Variants in POLG observed in about 807,000 individuals in gnomAD.
POLG encodes the protein DNA polymerase subunit gamma-1.
POLG carries 110 observed loss-of-function variants against 155.4 expected under a neutral mutation model. The ratio of observed to expected loss-of-function variants is 0.71; its 90% CI spans 0.61 to 0.83. The LOEUF (loss-of-function observed/expected upper bound fraction) is 0.83, where lower values mean the gene tolerates loss of function less well. POLG is among the 40% of genes least tolerant of loss of function. The pLI, the probability that POLG is intolerant of heterozygous loss-of-function variation, is 0.00. For missense variants in POLG, 1,685 were observed against 1,627.5 expected, an observed-to-expected ratio of 1.04 and a Z score of -0.61; for synonymous variants, 701 against 631.5, an observed-to-expected ratio of 1.11 and a Z score of -1.65.
At chr15:89,321,053 T>C (rs1231424001) in intron 17 of POLG, 41 bp from the exon 18 acceptor site, 3 of 1,612,866 alleles carry the variant, frequency 1.9e-6, no homozygotes, top group Non-Finnish European at 1.7e-6. Flanking sequence ...CTCAGGAACA[T>C]TCTGCCCAAT....
rs1406947880 is a variant in POLG, at chr15:89,316,753, A to G, written c.3718T>C (p.Ter1240GlnextTer35). 4 of 1,611,140 alleles carry G rather than the reference A, an allele frequency of 2.5e-6. No homozygotes were observed. Among genetic ancestry groups the G allele is most frequent in the East Asian group, 2.2e-5 (1 of 44,884 alleles). Residue 1240 changes from the stop codon to glutamine (Q), a stop_lost, in exon 23 of 23, where the codon TAG (stop) becomes CAG (glutamine). Coordinates refer to ENST00000268124, the MANE Select transcript of POLG (RefSeq NM_002693.3). ...AAATACAGAGCCTCCAGGCAGTGCT[A>G]TGGTCCAGGCTGGCTTCGTTTTTCC... ...SLEKRSQPGP[*>Q]
In POLG at chr15:89,317,550, A is replaced by C. The variant is rs587781119; in HGVS notation, c.3483-14T>G. ...GCAAACATGCACCTGAAAGAGACCC[A>C]ATCTACTCTCACAGTCATGCCCCTC... On this transcript the variant is annotated splice_polypyrimidine_tract_variant and intron_variant, in intron 21 of 22. Transcript: ENST00000268124. The C allele has an allele frequency of 2.5e-6, 4 of 1,613,402 alleles. No homozygotes were observed. Among genetic ancestry groups the C allele is most frequent in the African/African-American group, 2.7e-5 (2 of 74,884 alleles).
intron 16 of POLG, 81 bp from the exon 17 acceptor site, chr15:89,321,341 C>T: frequency 6.6e-7 from 1 of 1,520,946 alleles, no homozygotes; most frequent in South Asian, 1.2e-5. Context: ...AGAGCTAGAG[C>T]CTTTCCTGAG....
intron 21 of POLG, chr15:89,318,150 C>CACTT (rs752566644): frequency 6.5e-5 from 13 of 198,482 alleles, no homozygotes; most frequent in South Asian, 1.7e-4. Flanking sequence ...AAACTTTTGG[C>CACTT]ACTTACTTAA....
At chr15:89,318,805 C>T (rs1288250834) in intron 20 of POLG, 56 bp from the exon 21 acceptor site, 1 of 1,564,944 alleles carries the variant, frequency 6.4e-7, no homozygotes. Flanking sequence ...CCAATTAACT[C>T]CAGGGTAGAA....
chr15:89,333,989 G>A (rs758628725), intron 1 of POLG, 76 bp from the exon 2 acceptor site: 1 of 585,198 alleles, frequency 1.7e-6, no homozygotes, highest in Non-Finnish European at 3.0e-6. Context: ...CATTCCTTGA[G>A]CATTTACTGC....
Position 89,326,701 on chromosome 15 carries a change from T to G in POLG, c.1623A>C (p.Gln541His), listed in dbSNP as rs751396113. 1.2e-6 allele frequency: 2 copies of G among 1,614,116 alleles called. No individual in the cohort carries two copies. The highest frequency in any genetic ancestry group is 1.7e-6 in the Non-Finnish European group (2 of 1,180,010). ...GCAAGCAGGCGCGGGCCATGACATC[T>G]TGTTGAAACTCCTCCTCCTCACTGC... The part of the protein sequence containing the change: ...GPCSEEEEFQ[Q>H]DVMARACLQK... The change falls in exon 9 of 23, where the codon CAA (glutamine) becomes CAC (histidine). Residue 541 changes from glutamine (Q) to histidine (H), a missense_variant. By Grantham distance (24) the Gln-to-His change is conservative (BLOSUM62 0). Around this residue, in one of 3 missense-constraint regions of POLG, gnomAD observed 1,210 missense variants for 1,167.1 expected, o/e 1.04. Coordinates refer to ENST00000268124, the MANE Select transcript of POLG (RefSeq NM_002693.3).
At position 89,321,970 on chromosome 15, in the gene POLG, A is replaced by C; in HGVS notation, c.2472T>G (p.Ala824=). The change falls in exon 15 of 23, where the codon GCT becomes GCG. Residue 824 remains alanine, a synonymous_variant. Coordinates refer to ENST00000268124, the MANE Select transcript of POLG (RefSeq NM_002693.3). ...CACTCAGCAGACCATACCTGATCAC[A>C]GCACGGGGCAGAGCTGACCTGGGCA... ...VWLPRSALPR[A]VIRHPDYDEE... The C allele has an allele frequency of 6.2e-7, 1 of 1,614,176 alleles. No homozygotes were observed. Among genetic ancestry groups the C allele is most frequent in the Admixed American group, 1.7e-5 (1 of 60,028 alleles).
intron 9 of POLG, 26 bp from the exon 10 acceptor site, chr15:89,325,712 T>C (rs752472938): frequency 6.5e-7 from 1 of 1,530,638 alleles, no homozygotes; most frequent in Non-Finnish European, 9.0e-7. Context: ...AAGACAGCAG[T>C]GTCACGATGG....
rs759594375 is a variant in POLG, at chr15:89,323,891, A to C, written c.2081T>G (p.Leu694Arg). The change falls in exon 12 of 23, where the codon CTG (leucine) becomes CGG (arginine). Residue 694 changes from leucine (L) to arginine (R), a missense_variant. Transcript: ENST00000268124. Reference sequence around the variant, plus strand: ...CTCAGCCTCCACTTCTAAGTAATCCAGTTCTTCTACCTGGAGCAGTCCAAG... The same window carrying C: ...CTCAGCCTCCACTTCTAAGTAATCCCGTTCTTCTACCTGGAGCAGTCCAAG... ...NSAIWQTVEE[L>R]DYLEVEAEAK... is the part of the protein sequence containing the mutation. The C allele has an allele frequency of 6.2e-7, 1 of 1,613,700 alleles. No homozygotes were observed. Among genetic ancestry groups the C allele is most frequent in the South Asian group, 1.1e-5 (1 of 91,078 alleles).
chr15:89,325,177 AGAGAGT>A (rs2055482636), intron 10 of POLG, among the ~76,000 whole-genome samples: 2 of 93,586 alleles, frequency 2.1e-5, no homozygotes, highest in Admixed American at 2.0e-4. Flanking sequence ...TGAGAGAGTG[AGAGAGT>A]GAGTGAGTGA....
rs750155216 is a variant in POLG at position 89,319,113 on chromosome 15, A to G, written c.3105-14T>C. 5 of 1,614,204 alleles carry G rather than the reference A, an allele frequency of 3.1e-6. No individual in the cohort carries two copies. The highest frequency in any genetic ancestry group is 4.2e-6 in the Non-Finnish European group (5 of 1,180,022). On this transcript the variant is annotated splice_polypyrimidine_tract_variant and intron_variant, in intron 19 of 22. Coordinates refer to ENST00000268124, the MANE Select transcript of POLG (RefSeq NM_002693.3). ...TTCCACTGTGACCTAAGGGACCAGA[A>G]ACAGAGGGCAGACTTTGTCTTTCAG...
rs749458217 is a variant in POLG at position 89,319,348 on chromosome 15, T to C, written c.2984A>G (p.Tyr995Cys). 1 of 1,613,952 alleles carries C rather than the reference T, an allele frequency of 6.2e-7. No individual in the cohort carries two copies. Among genetic ancestry groups the C allele is most frequent in the Admixed American group, 1.7e-5 (1 of 60,024 alleles). ...CCACTCGCCCTCATCCGACAGCCGA[T>C]ACCTGGGGGCAGTGTTATCACCATC... The part of the protein sequence containing the change: ...MYAATKGLRW[Y>C]RLSDEGEWLV... Residue 995 changes from tyrosine to cysteine, a missense_variant and splice_region_variant, in exon 19 of 23, where the codon TAT (tyrosine) becomes TGT (cysteine). Physicochemically the swap from Tyr to Cys is radical, Grantham distance 194 (BLOSUM62 -2). Around this residue, in one of 3 missense-constraint regions of POLG, gnomAD observed 470 missense variants for 439.9 expected, o/e 1.07. Transcript: ENST00000268124.
intron 18 of POLG, among the ~76,000 whole-genome samples, chr15:89,320,444 C>T (rs896859589): frequency 6.6e-6 from 1 of 152,214 alleles, no homozygotes; most frequent in Non-Finnish European, 1.5e-5. Flanking sequence ...GCTCTCATTC[C>T]CTGTAGGCAT....
intron 1 of POLG, chr15:89,334,451 A>T (rs1324182110): frequency 2.0e-5 from 3 of 152,152 alleles, no homozygotes; most frequent in Admixed American, 6.5e-5. Flanking sequence ...CGGGACCCAC[A>T]CCCACACCCG....
rs190262367 is a variant in POLG, at chr15:89,327,108, G to A, written c.1434-45C>T. ...GGGCAGGGCTAAGGCTAAGCCGAAG[G>A]CTAGGCCGCCCACCTGCCAGTCCCC... On this transcript the variant is annotated intron_variant, in intron 7 of 22. Transcript: ENST00000268124. The A allele has an allele frequency of 5.9e-4, 958 of 1,614,050 alleles. 5 individuals are homozygous for A. The highest frequency in any genetic ancestry group is 5.1e-3 in the Middle Eastern group (31 of 6,062).
chr15:89,323,303 C>A, intron 13 of POLG, 101 bp downstream of exon 13: 2 of 762,064 alleles, frequency 2.6e-6, no homozygotes, highest in African/African-American at 1.7e-5. Context: ...CTAGTCATTC[C>A]CACAAAAAGG....
chr15:89,321,937 C>T (rs374124965), intron 15 of POLG, 25 bp downstream of exon 15: 12 of 1,613,316 alleles, frequency 7.4e-6, no homozygotes, highest in South Asian at 1.1e-5. Context: ...TTCTCCTATC[C>T]CTACAACCAC....
At chr15:89,316,927 T>C in intron 22 of POLG, 100 bp from the exon 23 acceptor site, 3 of 877,996 alleles carry the variant, frequency 3.4e-6, no homozygotes, top group Non-Finnish European at 5.8e-6. Flanking sequence ...AAAAGGAGAG[T>C]GAAAGGTTGA....
Sources: gnomAD v4.1 joint callset for allele counts (sites outside exome capture counted in the v4.1 genomes callset) on GRCh38, gnomAD v4.1.1 for gene constraint, gnomAD v4.1.1 regional missense constraint, MANE v1.5 for transcripts, NCBI Gene and HGNC (gene_info 2026-07-23, HGNC 2026-07-21) for gene names.